The following EXOC4 variants were observed in gnomAD, a reference collection of about 807,000 sequenced individuals.
The protein encoded by EXOC4 is SEC8-like 1.
EXOC4 carries 71 observed loss-of-function variants against 107.2 expected under a neutral mutation model. The ratio of observed to expected loss-of-function variants is 0.66; its 90% CI spans 0.55 to 0.81. EXOC4 has a LOEUF of 0.81. Among genes scored for constraint, EXOC4 ranks in the 30% least tolerant of loss-of-function variants. The probability of loss-of-function intolerance (pLI) is 0.00; values close to 1 mark genes in which losing one functional copy is unlikely to be tolerated. For synonymous variants in EXOC4, 456 were observed against 441.2 expected, an observed-to-expected ratio of 1.03 and a Z score of -0.42; for missense variants, 1,108 against 1,189.6, an observed-to-expected ratio of 0.93 and a Z score of 1.01.
At chr7:133,898,608 G>T (rs575312788) in intron 12 of EXOC4, among the ~76,000 whole-genome samples, 1 of 151,836 alleles carries the variant, frequency 6.6e-6, no homozygotes, top group Non-Finnish European at 1.5e-5. Flanking sequence ...TTAGCCGGGC[G>T]TGGTGGCAGC....
At chr7:133,933,451 A>G (rs1300274974) in intron 13 of EXOC4, among the ~76,000 whole-genome samples, 5 of 152,138 alleles carry the variant, frequency 3.3e-5, no homozygotes, top group Admixed American at 6.5e-5. Flanking sequence ...GTGTCAGATC[A>G]TCTTTGAGCA....
chr7:133,834,730 G>T lies in EXOC4; in HGVS notation c.1734+17186G>T, dbSNP rs562229918. On this transcript the variant is annotated intron_variant, in intron 11 of 17. Coordinates refer to ENST00000253861, the MANE Select transcript of EXOC4 (RefSeq NM_021807.4). ...AGAAATTTGTAAACAGCAAGTGATA[G>T]AAGTGTTTTGATACATAGAACATAA... Among the ~76,000 whole-genome samples, 6 of 152,312 alleles carry T rather than the reference G, an allele frequency of 3.9e-5. No homozygotes were observed. In the East Asian group the frequency reaches 9.7e-4, roughly 25 times the overall value.
chr7:133,262,473 A>C (rs1173959294), intron 1 of EXOC4, among the ~76,000 whole-genome samples: 1 of 152,178 alleles, frequency 6.6e-6, no homozygotes, highest in African/African-American at 2.4e-5. Context: ...CACTCTTGGT[A>C]AGAAAATAAA....
At chr7:133,435,033 T>A (rs1797938005) in intron 7 of EXOC4, among the ~76,000 whole-genome samples, 1 of 152,238 alleles carries the variant, frequency 6.6e-6, no homozygotes, top group East Asian at 1.9e-4. Flanking sequence ...GCATTAAAGA[T>A]TGTATTTTAA....
chr7:133,988,424 T>C (rs1208318574), intron 14 of EXOC4, among the ~76,000 whole-genome samples: 1 of 152,212 alleles, frequency 6.6e-6, no homozygotes, highest in Non-Finnish European at 1.5e-5. Context: ...TCATATTGCA[T>C]TGGTCAGTTT....
chr7:133,681,783 A>G (rs1281151505), intron 10 of EXOC4, among the ~76,000 whole-genome samples: 2 of 152,070 alleles, frequency 1.3e-5, no homozygotes, highest in African/African-American at 4.8e-5. Flanking sequence ...TTATCTCACT[A>G]TGAGATAAGG....
At chr7:134,095,391 C>A in the EXOC4 span, among the ~76,000 whole-genome samples, 1 of 152,270 alleles carries the variant, frequency 6.6e-6, no homozygotes, top group Admixed American at 6.5e-5. Flanking sequence ...AATGGCCATA[C>A]TTTCCAGAGC....
At chr7:133,259,272 AC>A (rs1221265320) in intron 1 of EXOC4, among the ~76,000 whole-genome samples, 1 of 143,158 alleles carries the variant, frequency 7.0e-6, no homozygotes, top group African/African-American at 2.6e-5. Context: ...TTGCTTTGTC[AC>A]CTAGGCTGGA....
the EXOC4 span, among the ~76,000 whole-genome samples, chr7:134,081,754 G>C: frequency 6.6e-6 from 1 of 152,162 alleles, no homozygotes; most frequent in South Asian, 2.1e-4. Flanking sequence ...TATTCAGTGA[G>C]ATAAGGAACA....
At chr7:134,014,651 G>A (rs1689381456) in intron 17 of EXOC4, among the ~76,000 whole-genome samples, 1 of 152,126 alleles carries the variant, frequency 6.6e-6, no homozygotes, top group African/African-American at 2.4e-5. Flanking sequence ...AATAGATAGA[G>A]GAGTCTTTGG....
chr7:133,581,927 A>G (rs540752520), intron 9 of EXOC4, among the ~76,000 whole-genome samples: 1 of 151,998 alleles, frequency 6.6e-6, no homozygotes, highest in South Asian at 2.1e-4. Flanking sequence ...GCAGGAGAGA[A>G]GGAGAGCAGG....
intron 14 of EXOC4, among the ~76,000 whole-genome samples, chr7:133,982,299 TC>T (rs1794004611): frequency 6.6e-6 from 1 of 152,188 alleles, no homozygotes. Context: ...ACGCCTGTAA[TC>T]CCAGCACTTT....
At chr7:134,002,272 C>T (rs111241160) in intron 15 of EXOC4, among the ~76,000 whole-genome samples, 1 of 152,136 alleles carries the variant, frequency 6.6e-6, no homozygotes, top group African/African-American at 2.4e-5. Context: ...TACTTGGATT[C>T]TCTTGGATGA....
At chr7:133,884,131 G>A (rs1451831223) in intron 11 of EXOC4, among the ~76,000 whole-genome samples, 1 of 152,100 alleles carries the variant, frequency 6.6e-6, no homozygotes, top group Non-Finnish European at 1.5e-5. Context: ...GCTTCTTGTT[G>A]TGCCAAACCC....
chr7:133,992,053 C>T (rs188057264), intron 14 of EXOC4, among the ~76,000 whole-genome samples: 8 of 152,222 alleles, frequency 5.3e-5, no homozygotes, highest in Admixed American at 4.6e-4. Context: ...GTACTATAGA[C>T]ATTTCAATAA....
chr7:133,300,874 TGATA>T (rs1165297845), intron 3 of EXOC4, among the ~76,000 whole-genome samples: 1 of 144,018 alleles, frequency 6.9e-6, no homozygotes, highest in Admixed American at 6.8e-5. Context: ...GTTAATAATA[TGATA>T]GATACCATTT....
chr7:133,806,690 A>G (rs980967651), intron 10 of EXOC4, among the ~76,000 whole-genome samples: 1 of 152,100 alleles, frequency 6.6e-6, no homozygotes, highest in South Asian at 2.1e-4. Context: ...ATATTAAAGT[A>G]TGTTGGATAG....
At chr7:133,276,447 A>G (rs1793993843) in intron 2 of EXOC4, among the ~76,000 whole-genome samples, 2 of 152,194 alleles carry the variant, frequency 1.3e-5, no homozygotes, top group African/African-American at 4.8e-5. Context: ...ATTATGTCCA[A>G]TCATCTCAAT....
intron 9 of EXOC4, among the ~76,000 whole-genome samples, chr7:133,555,490 A>G (rs1563106555): frequency 1.3e-5 from 2 of 152,240 alleles, no homozygotes; most frequent in Non-Finnish European, 2.9e-5. Flanking sequence ...GAAAGAGCAC[A>G]GACTTGATAA....
Sources: allele counts gnomAD v4.1 joint callset (sites outside exome capture counted in the v4.1 genomes callset), GRCh38; gene constraint gnomAD v4.1.1; transcripts MANE v1.5; gene names NCBI Gene and HGNC (gene_info 2026-07-23, HGNC 2026-07-21).